Variants in WDFY3 observed in about 807,000 individuals in gnomAD.
The protein encoded by WDFY3 is WD repeat and FYVE domain containing 3.
In WDFY3, 66 loss-of-function variants were observed where a neutral mutation model predicts 409.6. The observed-to-expected ratio is 0.16, with a 90% confidence interval of 0.13 to 0.20. The LOEUF is 0.20. Ranked by LOEUF, WDFY3 falls within the 10% of genes least tolerant of loss-of-function variation. The pLI is 1.00. For synonymous variants in WDFY3, 1,521 were observed against 1,537.1 expected (o/e 0.99, Z 0.25); for missense variants, 3,031 against 4,298.1 (o/e 0.71, Z 8.24).
intron 5 of WDFY3, among the ~76,000 whole-genome samples, chr4:84,842,201 G>A (rs776975517): frequency 7.2e-5 from 11 of 152,150 alleles, no homozygotes; most frequent in Non-Finnish European, 1.0e-4. Flanking sequence ...ATTTGGCAGG[G>A]CATGGTGGCT....
intron 22 of WDFY3, among the ~76,000 whole-genome samples, chr4:84,788,598 A>G (rs1303460471): frequency 1.3e-5 from 2 of 152,358 alleles, no homozygotes; most frequent in East Asian, 3.8e-4. Flanking sequence ...AGGGTTTATC[A>G]TATTGAAACA....
chr4:84,965,889 C>G (rs1457787048), intron 1 of WDFY3: 1 of 152,534 alleles, frequency 6.6e-6, no homozygotes, highest in Non-Finnish European at 1.5e-5. Flanking sequence ...CCCCTATCCC[C>G]CGAAATATCC....
intron 37 of WDFY3, among the ~76,000 whole-genome samples, 178 bp downstream of exon 37, chr4:84,743,522 A>G (rs1738819906): frequency 6.6e-6 from 1 of 152,214 alleles, no homozygotes; most frequent in Non-Finnish European, 1.5e-5. Flanking sequence ...ATGATGAAAT[A>G]CTATAATGTA....
At chr4:84,958,327 T>C (rs1454242376) in intron 1 of WDFY3, among the ~76,000 whole-genome samples, 3 of 152,208 alleles carry the variant, frequency 2.0e-5, no homozygotes, top group Non-Finnish European at 1.5e-5. Context: ...AGCAATGTGG[T>C]TGGCATCTCC....
chr4:84,883,208 T>G (rs1578970963), intron 3 of WDFY3, among the ~76,000 whole-genome samples: 1 of 152,158 alleles, frequency 6.6e-6, no homozygotes, highest in East Asian at 1.9e-4. Context: ...ATGTCCTAAT[T>G]ACATCATTTC....
chr4:84,866,349 A>AC (rs1336456733), intron 3 of WDFY3, among the ~76,000 whole-genome samples: 1 of 152,072 alleles, frequency 6.6e-6, no homozygotes, highest in African/African-American at 2.4e-5. Context: ...TCTAAGGCCA[A>AC]CTCCTGCTGA....
chr4:84,875,036 G>A (rs567647706), intron 3 of WDFY3, among the ~76,000 whole-genome samples: 3 of 152,050 alleles, frequency 2.0e-5, no homozygotes, highest in Non-Finnish European at 2.9e-5. Flanking sequence ...TTGGGAGTCC[G>A]AGGCGGGCAG....
intron 55 of WDFY3, 62 bp from the exon 56 acceptor site, chr4:84,702,568 A>G: frequency 1.4e-6 from 2 of 1,401,320 alleles, no homozygotes; most frequent in Non-Finnish European, 1.9e-6. Flanking sequence ...GCTTCTGTCA[A>G]GTTCAAGAGC....
Position 84,757,034 on chromosome 4 carries a change from G to C in WDFY3, c.5316C>G (p.Leu1772=), listed in dbSNP as rs1350725597. The C allele has an allele frequency of 6.2e-7, 1 of 1,614,120 alleles. No homozygotes were observed. Among genetic ancestry groups the C allele is most frequent in the East Asian group, 2.2e-5 (1 of 44,876 alleles). ...FLPKHTNVPA[L]YFLLMALFLQ... ...GAAACAAGGCCATGAGGAGAAAATA[G>C]AGGGCAGGGACATTAGTGTGTTTAG... Residue 1772 remains leucine (L), a synonymous_variant, in exon 33 of 68, where the codon CTC becomes CTG. Transcript: ENST00000295888.
At chr4:84,894,716 G>A (rs1035690669) in intron 3 of WDFY3, among the ~76,000 whole-genome samples, 11 of 151,940 alleles carry the variant, frequency 7.2e-5, no homozygotes, top group Non-Finnish European at 1.5e-4. Flanking sequence ...AACCCAGGAG[G>A]CAGAGGATGC....
At chr4:84,814,541 C>T (rs1023152148) in intron 13 of WDFY3, among the ~76,000 whole-genome samples, 4 of 152,142 alleles carry the variant, frequency 2.6e-5, no homozygotes, top group Middle Eastern at 3.4e-3. Context: ...CTCACACTGC[C>T]CCACACCACT....
At chr4:84,696,684 A>G in intron 57 of WDFY3, 48 bp downstream of exon 57, 1 of 1,583,026 alleles carries the variant, frequency 6.3e-7, no homozygotes, top group Non-Finnish European at 8.7e-7. Context: ...TATTATGTTC[A>G]ATGACCAAAT....
Position 84,724,498 on chromosome 4 carries a change from C to T in WDFY3, c.7369G>A (p.Val2457Met), listed in dbSNP as rs1387248055. The T allele has an allele frequency of 1.3e-5, 21 of 1,614,034 alleles. No individual in the cohort carries two copies. Among genetic ancestry groups the T allele is most frequent in the Non-Finnish European group, 1.8e-5 (21 of 1,180,002 alleles). The change falls in exon 46 of 68, where the codon GTG (valine) becomes ATG (methionine). Residue 2457 changes from valine (V) to methionine (M), a missense_variant. Physicochemically the swap from Val to Met is conservative, Grantham distance 21. Coordinates refer to ENST00000295888, the MANE Select transcript of WDFY3 (RefSeq NM_014991.6). ...GNPAIVQDAIVESSEGEAAQQ... is the reference protein window; with the variant it reads ...GNPAIVQDAIMESSEGEAAQQ... The stretch of plus-strand genomic sequence containing the variant: ...GCAGCTTCACCTTCTGAACTCTCCA[C>T]AATGGCGTCTTGGACAATGGCGGGA...
chr4:84,831,847 G>C (rs377651759), intron 7 of WDFY3, among the ~76,000 whole-genome samples: 1 of 152,264 alleles, frequency 6.6e-6, no homozygotes, highest in East Asian at 1.9e-4. Context: ...ACAGATGCTG[G>C]TAAGGAAGTA....
intron 2 of WDFY3, among the ~76,000 whole-genome samples, chr4:84,923,751 C>A (rs904671745): frequency 6.6e-6 from 1 of 152,160 alleles, no homozygotes; most frequent in Non-Finnish European, 1.5e-5. Context: ...GTAATCCCAG[C>A]ACTTTGGGAG....
intron 35 of WDFY3, 92 bp downstream of exon 35, chr4:84,753,605 C>T (rs1448538381): frequency 2.2e-6 from 3 of 1,372,178 alleles, no homozygotes; most frequent in Non-Finnish European, 2.9e-6. Flanking sequence ...ACTTAAAAGA[C>T]TGTCAAAAAA....
intron 13 of WDFY3, among the ~76,000 whole-genome samples, chr4:84,815,679 T>C (rs1753191381): frequency 6.6e-6 from 1 of 152,138 alleles, no homozygotes; most frequent in African/African-American, 2.4e-5. Flanking sequence ...ATTATATACT[T>C]TTGGGAGGAA....
intron 3 of WDFY3, among the ~76,000 whole-genome samples, chr4:84,875,404 T>C (rs1762648474): frequency 6.6e-6 from 1 of 152,080 alleles, no homozygotes; most frequent in Admixed American, 6.6e-5. Flanking sequence ...TTGCTCTGGG[T>C]GAGTCAGTGA....
chr4:84,812,582 A>G (rs1752681430), intron 13 of WDFY3, among the ~76,000 whole-genome samples: 1 of 152,196 alleles, frequency 6.6e-6, no homozygotes, highest in Non-Finnish European at 1.5e-5. Flanking sequence ...GCCTATCACT[A>G]TCATCAATTT....
Sources: allele counts gnomAD v4.1 joint callset (sites outside exome capture counted in the v4.1 genomes callset), GRCh38; gene constraint gnomAD v4.1.1; transcripts MANE v1.5; gene names NCBI Gene and HGNC (gene_info 2026-07-23, HGNC 2026-07-21).